MYO3B: variants seen among roughly 807,000 people sequenced by gnomAD.
MYO3B encodes myosin IIIB, also known as myosin-IIIb.
In MYO3B, 156 loss-of-function variants were observed where a neutral mutation model predicts 174.6. The observed-to-expected ratio is 0.89, with a 90% CI of 0.78 to 1.02. The LOEUF is 1.02. Among genes scored for constraint, MYO3B ranks in the 50% least tolerant of loss-of-function variants. The pLI, the probability that MYO3B is intolerant of heterozygous loss-of-function variation, is 0.00. For missense variants in MYO3B, 1,632 were observed against 1,639.4 expected, an observed-to-expected ratio of 1.00 and a Z score of 0.08; for synonymous variants, 563 against 569.1, an observed-to-expected ratio of 0.99 and a Z score of 0.15.
chr2:170,471,316 C>T (rs936206153), intron 25 of MYO3B, among the ~76,000 whole-genome samples: 4 of 152,132 alleles, frequency 2.6e-5, no homozygotes, highest in African/African-American at 9.7e-5. Flanking sequence ...TCCCAAAGTG[C>T]TAGGATTACA....
chr2:170,601,638 T>C, intron 32 of MYO3B: 1 of 1,302,222 alleles, frequency 7.7e-7, no homozygotes, highest in Admixed American at 1.7e-5. Flanking sequence ...TTCATCTTCC[T>C]CCTCATAATC....
intron 6 of MYO3B, among the ~76,000 whole-genome samples, chr2:170,225,142 G>A (rs6721083): frequency 6.6e-6 from 1 of 152,166 alleles, no homozygotes; most frequent in African/African-American, 2.4e-5. Context: ...CGTTTAGCGA[G>A]TGCTTACTAT....
At chr2:170,323,062 A>AT (rs2093840496) in intron 7 of MYO3B, among the ~76,000 whole-genome samples, 1 of 152,204 alleles carries the variant, frequency 6.6e-6, no homozygotes, top group Admixed American at 6.5e-5. Context: ...GGAAAAAAAA[A>AT]TCCATAGTAG....
chr2:170,495,102 G>A (rs998154846), intron 25 of MYO3B, among the ~76,000 whole-genome samples: 1 of 152,192 alleles, frequency 6.6e-6, no homozygotes, highest in Non-Finnish European at 1.5e-5. Flanking sequence ...GCCCTAAAGT[G>A]TGCAGATTCT....
intron 24 of MYO3B, among the ~76,000 whole-genome samples, chr2:170,464,772 A>T (rs1684513308): frequency 6.6e-6 from 1 of 152,108 alleles, no homozygotes. Context: ...TTATATTGAG[A>T]CACACCTGGT....
At chr2:170,440,755 A>G (rs961575972) in intron 22 of MYO3B, among the ~76,000 whole-genome samples, 1 of 151,464 alleles carries the variant, frequency 6.6e-6, no homozygotes, top group African/African-American at 2.4e-5. Flanking sequence ...TCTGTCTGAA[A>G]AAACAACAGC....
rs779562675 is a variant in MYO3B at position 170,401,703 on chromosome 2, G to A, written c.2129+12G>A. 1.2e-5 allele frequency: 19 copies of A among 1,610,922 alleles called. No individual in the cohort carries two copies. In the East Asian group the frequency reaches 2.2e-4, roughly 19 times the overall value. ...GACGAAAACATATGGCAAGTTCCTCGGAGAGCAGAGGGTCTCAGGAGAGCT... is the reference window on the plus strand; with the variant it reads ...GACGAAAACATATGGCAAGTTCCTCAGAGAGCAGAGGGTCTCAGGAGAGCT... On this transcript the variant is annotated intron_variant, in intron 18 of 34. Coordinates refer to ENST00000408978, the MANE Select transcript of MYO3B (RefSeq NM_138995.5).
intron 25 of MYO3B, among the ~76,000 whole-genome samples, chr2:170,473,139 CTT>C (rs66837903): frequency 1.6e-4 from 15 of 96,440 alleles, no homozygotes; most frequent in African/African-American, 4.0e-4. Context: ...TTTTTCTTTT[CTT>C]TTTTTTTTTT....
intron 29 of MYO3B, 43 bp from the exon 30 acceptor site, chr2:170,519,395 C>G: frequency 6.5e-7 from 1 of 1,541,182 alleles, no homozygotes; most frequent in Non-Finnish European, 8.9e-7. Context: ...CTAACCCTAC[C>G]TACTTCTGAA....
chr2:170,352,243 G>A (rs563092112), intron 8 of MYO3B, among the ~76,000 whole-genome samples: 15 of 152,256 alleles, frequency 9.9e-5, no homozygotes, highest in African/African-American at 2.6e-4. Context: ...GTGAGCCACC[G>A]TGCCCGGCCT....
At chr2:170,195,454 G>A (rs1367922252) in intron 1 of MYO3B, among the ~76,000 whole-genome samples, 1 of 152,002 alleles carries the variant, frequency 6.6e-6, no homozygotes, top group Non-Finnish European at 1.5e-5. Context: ...CCAAGCTTCA[G>A]GGGAAGATCA....
At chr2:170,357,849 T>G (rs757186987) in intron 8 of MYO3B, among the ~76,000 whole-genome samples, 8 of 152,162 alleles carry the variant, frequency 5.3e-5, no homozygotes, top group Non-Finnish European at 8.8e-5. Flanking sequence ...TAATTCATAA[T>G]AGCTTAAAAG....
At chr2:170,487,879 C>A (rs1686166170) in intron 25 of MYO3B, among the ~76,000 whole-genome samples, 1 of 152,204 alleles carries the variant, frequency 6.6e-6, no homozygotes, top group Non-Finnish European at 1.5e-5. Context: ...CACGCTAATA[C>A]AATTTTTATC....
chr2:170,470,036 AG>A (rs1273908950), intron 25 of MYO3B, among the ~76,000 whole-genome samples: 2 of 136,806 alleles, frequency 1.5e-5, no homozygotes, highest in East Asian at 5.2e-4. Flanking sequence ...TGGGAGGTGA[AG>A]GTTGTAGTGA....
intron 9 of MYO3B, among the ~76,000 whole-genome samples, chr2:170,374,758 T>TACACACACACATACACACAC (rs1166309527): frequency 6.4e-5 from 9 of 140,066 alleles, no homozygotes; most frequent in African/African-American, 2.5e-4. Flanking sequence ...TATGCATACA[T>TACACACACACATACACACAC]ACACACACAC....
At chr2:170,565,472 G>A (rs1489773777) in intron 32 of MYO3B, among the ~76,000 whole-genome samples, 3 of 152,210 alleles carry the variant, frequency 2.0e-5, no homozygotes, top group Admixed American at 1.3e-4. Context: ...TGCCTAATAA[G>A]TGTTTGCCGA....
At chr2:170,371,309 CTCTTTA>C (rs1054171633) in intron 9 of MYO3B, among the ~76,000 whole-genome samples, 8 of 148,832 alleles carry the variant, frequency 5.4e-5, no homozygotes, top group Non-Finnish European at 7.4e-5. Context: ...TCTCTAATTT[CTCTTTA>C]TCTTTGTTAA....
At chr2:170,319,957 G>A (rs556400214) in intron 7 of MYO3B, among the ~76,000 whole-genome samples, 1 of 152,192 alleles carries the variant, frequency 6.6e-6, no homozygotes, top group East Asian at 1.9e-4. Context: ...TAAAATAAAG[G>A]AAACCCCAGA....
intron 7 of MYO3B, among the ~76,000 whole-genome samples, chr2:170,250,421 T>A (rs2093239031): frequency 1.3e-5 from 2 of 152,204 alleles, no homozygotes; most frequent in Non-Finnish European, 2.9e-5. Flanking sequence ...CACTGTGAAA[T>A]GGGAGCATTC....
Sources: allele counts gnomAD v4.1 joint callset (sites outside exome capture counted in the v4.1 genomes callset), GRCh38; gene constraint gnomAD v4.1.1; transcripts MANE v1.5; gene names NCBI Gene and HGNC (gene_info 2026-07-23, HGNC 2026-07-21).